SPANXN4: variants seen among roughly 807,000 people sequenced by gnomAD.
The protein encoded by SPANXN4 is sperm protein associated with the nucleus on the X chromosome N4.
In SPANXN4, 5 loss-of-function variants were observed where a neutral mutation model predicts 6.0. The observed-to-expected ratio is 0.83, with a 90% CI of 0.44 to 1.75. The LOEUF is 1.75. Ranked by LOEUF, SPANXN4 falls within the 40% of genes most tolerant of loss-of-function variation. SPANXN4 has a pLI of 0.02. For missense variants in SPANXN4, 157 were observed against 108.6 expected (o/e 1.45, Z -1.98); for synonymous variants, 45 against 38.0 (o/e 1.19, Z -0.68).
chrX:143,028,329 TG>T (rs1294910384), intron 1 of SPANXN4, among the ~76,000 whole-genome samples: 1 of 110,768 alleles, frequency 9.0e-6, no homozygotes, highest in Non-Finnish European at 1.9e-5. Context: ...GATGGACTTT[TG>T]GGCTGGGGAT....
chrX:143,030,996 C>T (rs183428742), intron 1 of SPANXN4, among the ~76,000 whole-genome samples: 26 of 111,149 alleles, frequency 2.3e-4, no homozygotes, highest in Non-Finnish European at 4.5e-4. Context: ...GGTTTAGAAA[C>T]GTTCCAAACT....
At chrX:143,031,324 A>G (rs1602657607) in intron 1 of SPANXN4, among the ~76,000 whole-genome samples, 4 of 110,854 alleles carry the variant, frequency 3.6e-5, no homozygotes. Context: ...CTGAATAACT[A>G]TCCCCTGTAT....
At chrX:143,031,027 C>A (rs776475632) in intron 1 of SPANXN4, among the ~76,000 whole-genome samples, 2 of 110,450 alleles carry the variant, frequency 1.8e-5, no homozygotes, top group African/African-American at 6.6e-5. Flanking sequence ...CAGAAGGTAA[C>A]GGTGGATAAT....
chrX:143,035,851 C>T (rs988474965), downstream of SPANXN4, among the ~76,000 whole-genome samples: 1 of 107,876 alleles, frequency 9.3e-6, no homozygotes, highest in Admixed American at 1.0e-4. Flanking sequence ...GCTTTAGTCC[C>T]CCTGTACATT....
chrX:143,034,308 CTGA>C, intron 2 of SPANXN4: 1 of 1,074,930 alleles, frequency 9.3e-7, no homozygotes, highest in Non-Finnish European at 1.2e-6. Context: ...GTTTGAGGAG[CTGA>C]TGACTGTGTA....
chrX:143,030,604 A>C (rs1001780497), intron 1 of SPANXN4, among the ~76,000 whole-genome samples: 4 of 111,044 alleles, frequency 3.6e-5, no homozygotes, highest in Non-Finnish European at 7.5e-5. Context: ...GCAAAAAAAA[A>C]AAAACTTTGG....
downstream of SPANXN4, among the ~76,000 whole-genome samples, chrX:143,037,437 A>T (rs1308415858): frequency 8.9e-6 from 1 of 111,850 alleles, no homozygotes; most frequent in Non-Finnish European, 1.9e-5. Context: ...AATTATATGA[A>T]TAAAAGACCA....
At chrX:143,030,943 T>C (rs1405967907) in intron 1 of SPANXN4, among the ~76,000 whole-genome samples, 1 of 110,890 alleles carries the variant, frequency 9.0e-6, no homozygotes, top group African/African-American at 3.3e-5. Flanking sequence ...GTGGAGGAGA[T>C]TGAAGGGTTA....
At chrX:143,037,342 T>A (rs771658641), downstream of SPANXN4, among the ~76,000 whole-genome samples, 10 of 111,997 alleles carry the variant, frequency 8.9e-5, no homozygotes, top group Non-Finnish European at 1.3e-4. Flanking sequence ...ATGCTTTCTC[T>A]ATCTGCATAC....
exon 2 of SPANXN4, chrX:143,034,117 G>A: frequency 8.5e-7 from 1 of 1,178,611 alleles, no homozygotes; most frequent in Non-Finnish European, 1.1e-6. Context: ...TTTACTGCAG[G>A]AAGAATAAGA....
At chrX:143,033,900 C>T (rs141302047) in intron 1 of SPANXN4, 125 bp from the exon 2 acceptor site, 7,598 of 607,853 alleles carry the variant, frequency 0.012, 47 homozygotes, top group Non-Finnish European at 0.016. Context: ...TTCCACCTTG[C>T]TCTTCTCTGG....
At chrX:143,030,311 C>T (rs992235490) in intron 1 of SPANXN4, among the ~76,000 whole-genome samples, 1 of 111,191 alleles carries the variant, frequency 9.0e-6, no homozygotes, top group African/African-American at 3.3e-5. Context: ...GGTAAGTAAC[C>T]TGGGTTTGGG....
chrX:143,031,506 T>C (rs754779805), intron 1 of SPANXN4, among the ~76,000 whole-genome samples: 1 of 111,405 alleles, frequency 9.0e-6, no homozygotes, highest in South Asian at 3.9e-4. Flanking sequence ...CTTTCAGTGT[T>C]CCTTGATAAC....
intron 1 of SPANXN4, among the ~76,000 whole-genome samples, chrX:143,033,363 C>G (rs1932822214): frequency 9.0e-6 from 1 of 111,499 alleles, no homozygotes. Flanking sequence ...TGGTAGAACT[C>G]AATCCCCATC....
chrX:143,034,363 G>T, intron 2 of SPANXN4, 52 bp downstream of exon 2: 1 of 1,037,054 alleles, frequency 9.6e-7, no homozygotes, highest in South Asian at 2.4e-5. Flanking sequence ...GAAGGGAAGG[G>T]AAAAGATAGG....
At chrX:143,035,490 T>C (rs1478527191), downstream of SPANXN4, among the ~76,000 whole-genome samples, 1 of 110,587 alleles carries the variant, frequency 9.0e-6, no homozygotes, top group Non-Finnish European at 1.9e-5. Context: ...TTAAGAAAGA[T>C]ATTTGGATTT....
At chrX:143,030,191 G>A (rs952666847) in intron 1 of SPANXN4, among the ~76,000 whole-genome samples, 1 of 110,803 alleles carries the variant, frequency 9.0e-6, no homozygotes, top group East Asian at 2.8e-4. Flanking sequence ...ATCCCACAAG[G>A]CTCAAGAAGG....
At chrX:143,028,269 C>A (rs1029046299) in intron 1 of SPANXN4, among the ~76,000 whole-genome samples, 1 of 110,038 alleles carries the variant, frequency 9.1e-6, no homozygotes, top group African/African-American at 3.3e-5. Flanking sequence ...GAGGAGTCTG[C>A]GATTCAGACC....
rs777037651 is a variant in SPANXN4 at position 143,034,021 on chromosome X, C to A, written c.79-7C>A. ...ATTCTGGCCTCTCCCTGTTTTTTTA[C>A]CAGAAGAAGAAGAATCTGCACAGAG... On this transcript the variant is annotated splice_region_variant and splice_polypyrimidine_tract_variant and intron_variant, in intron 1 of 2. Coordinates refer to ENST00000370504, the Ensembl canonical transcript of SPANXN4. 38 of 1,162,135 alleles carry A rather than the reference C, an allele frequency of 3.3e-5. No individual in the cohort carries two copies. The highest frequency in any genetic ancestry group is 4.1e-5 in the Non-Finnish European group (36 of 871,208).
Sources: allele counts gnomAD v4.1 joint callset (sites outside exome capture counted in the v4.1 genomes callset), GRCh38; gene constraint gnomAD v4.1.1; transcripts MANE v1.5; gene names NCBI Gene and HGNC (gene_info 2026-07-23, HGNC 2026-07-21).